Variants in RNF220 observed in about 807,000 individuals in gnomAD.
The protein encoded by RNF220 is E3 ubiquitin-protein ligase RNF220.
Under a neutral mutation model 67.1 loss-of-function variants are expected in RNF220, and 7 were observed. The observed-to-expected ratio is 0.10, with a 90% confidence interval of 0.06 to 0.20. The LOEUF (loss-of-function observed/expected upper bound fraction) is 0.20. Ranked by LOEUF, RNF220 falls within the 10% of genes least tolerant of loss-of-function variation. RNF220 has a pLI of 1.00. For missense variants in RNF220, 565 were observed against 740.3 expected (o/e 0.76, Z 2.75); for synonymous variants, 270 against 283.2 (o/e 0.95, Z 0.47).
chr1:44,607,752 G>A (rs1443328420), intron 2 of RNF220, among the ~76,000 whole-genome samples: 2 of 151,930 alleles, frequency 1.3e-5, no homozygotes, highest in Admixed American at 1.3e-4. Flanking sequence ...GCCTCCCAAA[G>A]TGCTGGGATT....
chr1:44,631,964 G>A, intron 5 of RNF220: 1 of 995,826 alleles, frequency 1.0e-6, no homozygotes, highest in Non-Finnish European at 1.2e-6. Flanking sequence ...CAGATCACGT[G>A]ATTAGGGCCA....
chr1:44,450,068 G>A (rs370159892), intron 2 of RNF220, among the ~76,000 whole-genome samples: 3 of 152,246 alleles, frequency 2.0e-5, no homozygotes, highest in Admixed American at 1.3e-4. Flanking sequence ...AATTAGCCAG[G>A]CCTGGTGGCG....
intron 2 of RNF220, among the ~76,000 whole-genome samples, chr1:44,470,619 T>C (rs993282461): frequency 6.6e-6 from 1 of 152,198 alleles, no homozygotes; most frequent in Non-Finnish European, 1.5e-5. Flanking sequence ...CTCACATTTG[T>C]AGTTTCTTGG....
intron 2 of RNF220, among the ~76,000 whole-genome samples, chr1:44,475,100 G>C (rs1289218375): frequency 6.6e-6 from 1 of 152,102 alleles, no homozygotes; most frequent in Non-Finnish European, 1.5e-5. Flanking sequence ...AACAGTCTAG[G>C]AATTTGCACT....
At chr1:44,430,703 C>G (rs1009051420) in intron 2 of RNF220, among the ~76,000 whole-genome samples, 15 of 152,158 alleles carry the variant, frequency 9.9e-5, no homozygotes, top group Admixed American at 8.5e-4. Context: ...TGCCACCACA[C>G]CTGGCTAATT....
At chr1:44,575,390 T>A (rs548771462) in intron 2 of RNF220, among the ~76,000 whole-genome samples, 1 of 152,368 alleles carries the variant, frequency 6.6e-6, no homozygotes, top group East Asian at 1.9e-4. Context: ...CACATTTTCT[T>A]TATCCATTCA....
chr1:44,445,714 C>G (rs528338081), intron 2 of RNF220, among the ~76,000 whole-genome samples: 1 of 148,782 alleles, frequency 6.7e-6, no homozygotes, highest in Non-Finnish European at 1.5e-5. Flanking sequence ...CCTTCTTATC[C>G]CGCCTCAATC....
intron 8 of RNF220, among the ~76,000 whole-genome samples, chr1:44,637,205 A>G (rs1644355193): frequency 6.6e-6 from 1 of 152,244 alleles, no homozygotes; most frequent in Admixed American, 6.5e-5. Context: ...AGGGCCGTCC[A>G]GTGCAGACTG....
intron 2 of RNF220, among the ~76,000 whole-genome samples, chr1:44,559,281 T>C (rs928446610): frequency 2.6e-5 from 4 of 152,208 alleles, no homozygotes; most frequent in Non-Finnish European, 5.9e-5. Flanking sequence ...ACTGCCACGC[T>C]GTTCTGTGGA....
intron 2 of RNF220, among the ~76,000 whole-genome samples, chr1:44,520,795 T>G (rs1347214446): frequency 7.2e-5 from 11 of 152,256 alleles, no homozygotes; most frequent in Non-Finnish European, 1.2e-4. Flanking sequence ...AGTTTCTTTG[T>G]ATCCCCGACA....
In RNF220 at chr1:44,412,493, T is replaced by C. The variant is rs756957259; in HGVS notation, c.396T>C (p.Tyr132=). The stretch of plus-strand genomic sequence containing the variant: ...CCTCCACCGAGGACCGGGAGAGCTA[T>C]CAGTCAGCCTTTACGCCGGCCAAGC... ...PFASTEDRES[Y]QSAFTPAKRL... is the part of the protein sequence containing the mutation. Residue 132 remains tyrosine, a synonymous_variant, in exon 2 of 15, where the codon TAT becomes TAC. Transcript: ENST00000361799. This position sits in a 1 kb window ranked among gnomAD's most constrained non-coding sequence, Gnocchi z 5.3. 2.5e-6 allele frequency: 4 copies of C among 1,612,434 alleles called. No homozygotes were observed. Among genetic ancestry groups the C allele is most frequent in the Non-Finnish European group, 3.4e-6 (4 of 1,178,602 alleles).
chr1:44,512,708 A>T (rs757969740), intron 2 of RNF220, among the ~76,000 whole-genome samples: 10 of 152,234 alleles, frequency 6.6e-5, no homozygotes, highest in Admixed American at 1.3e-4. Context: ...GTGACGACGG[A>T]GGCGGCAGGA....
At chr1:44,446,956 G>T (rs1652169714) in intron 2 of RNF220, among the ~76,000 whole-genome samples, 1 of 152,094 alleles carries the variant, frequency 6.6e-6, no homozygotes, top group African/African-American at 2.4e-5. Flanking sequence ...CATAATTTCT[G>T]GTCCATGAGC....
chr1:44,632,256 G>A (rs1200731609), intron 5 of RNF220, 87 bp from the exon 6 acceptor site: 6 of 1,613,556 alleles, frequency 3.7e-6, no homozygotes, highest in Admixed American at 1.7e-5. Flanking sequence ...TTGGTCGGGG[G>A]TCCGGTGCTG....
chr1:44,554,263 G>A (rs1370567937), intron 2 of RNF220, among the ~76,000 whole-genome samples: 1 of 152,108 alleles, frequency 6.6e-6, no homozygotes, highest in Non-Finnish European at 1.5e-5. Context: ...GAGAGCAAGA[G>A]CCATTAAAGA....
chr1:44,543,594 C>T (rs948647036), intron 2 of RNF220, among the ~76,000 whole-genome samples: 2 of 151,764 alleles, frequency 1.3e-5, no homozygotes, highest in African/African-American at 2.4e-5. Context: ...AGCCGGAGCA[C>T]GGAAGGGGCT....
chr1:44,418,137 C>G (rs1557905144), intron 2 of RNF220, among the ~76,000 whole-genome samples: 1 of 152,148 alleles, frequency 6.6e-6, no homozygotes, highest in African/African-American at 2.4e-5. Context: ...GGGGCGCCCA[C>G]GCGACGTCGG....
chr1:44,437,136 C>T (rs992492646), intron 2 of RNF220, among the ~76,000 whole-genome samples: 2 of 152,174 alleles, frequency 1.3e-5, no homozygotes, highest in African/African-American at 4.8e-5. Context: ...TGCCTTATGG[C>T]AAATGGAATA....
At chr1:44,475,358 G>A (rs1655200461) in intron 2 of RNF220, among the ~76,000 whole-genome samples, 1 of 150,984 alleles carries the variant, frequency 6.6e-6, no homozygotes, top group Non-Finnish European at 1.5e-5. Context: ...ATCACTTAAA[G>A]TCAGGAGTTC....
Sources: gnomAD v4.1 joint callset for allele counts (sites outside exome capture counted in the v4.1 genomes callset) on GRCh38, gnomAD v4.1.1 for gene constraint, Gnocchi (gnomAD v3.1) non-coding constraint, MANE v1.5 for transcripts, NCBI Gene and HGNC (gene_info 2026-07-23, HGNC 2026-07-21) for gene names.